Variants in PDGFC observed in about 807,000 individuals in gnomAD.
PDGFC encodes the protein platelet-derived growth factor C.
In PDGFC, 12 loss-of-function variants were observed where a neutral mutation model predicts 35.5. That is an observed-to-expected ratio of 0.34 (90% CI 0.22 to 0.55). The LOEUF is 0.55. Among genes scored for constraint, PDGFC ranks in the 20% least tolerant of loss-of-function variants. The pLI, the probability that PDGFC is intolerant of heterozygous loss-of-function variation, is 0.91. For synonymous variants in PDGFC, 159 were observed against 148.8 expected (o/e 1.07, Z -0.50); for missense variants, 322 against 412.4 (o/e 0.78, Z 1.90).
At chr4:156,914,300 G>A (rs577708715) in intron 1 of PDGFC, among the ~76,000 whole-genome samples, 35 of 152,152 alleles carry the variant, frequency 2.3e-4, no homozygotes, top group Middle Eastern at 3.4e-3. Context: ...TCCTTGTTCT[G>A]TGTTGCCTCC....
intron 1 of PDGFC, among the ~76,000 whole-genome samples, chr4:156,921,025 G>A (rs116414332): frequency 1.9e-3 from 294 of 152,308 alleles, no homozygotes; most frequent in African/African-American, 6.1e-3. Context: ...TGCTATGAAT[G>A]TGACTAGAAG....
At chr4:156,855,024 T>C (rs570057097) in intron 1 of PDGFC, among the ~76,000 whole-genome samples, 12 of 151,992 alleles carry the variant, frequency 7.9e-5, no homozygotes, top group East Asian at 7.7e-4. Context: ...CTAAAATGAA[T>C]AAAAAATTTA....
chr4:156,965,894 G>T (rs1579131254), intron 1 of PDGFC, among the ~76,000 whole-genome samples: 1 of 152,226 alleles, frequency 6.6e-6, no homozygotes, highest in East Asian at 1.9e-4. Flanking sequence ...AATCAGTACG[G>T]CAGGAACACT....
chr4:156,768,101 T>C, intron 4 of PDGFC, 111 bp from the exon 5 acceptor site: 1 of 710,172 alleles, frequency 1.4e-6, no homozygotes, highest in East Asian at 2.5e-5. Flanking sequence ...ATGAACAATA[T>C]CCATAACAAT....
chr4:156,961,290 C>T (rs1732337449), intron 1 of PDGFC, among the ~76,000 whole-genome samples: 1 of 152,016 alleles, frequency 6.6e-6, no homozygotes, highest in African/African-American at 2.4e-5. Flanking sequence ...AAATACGCAG[C>T]AAAATAACTG....
chr4:156,925,788 T>C (rs1731395952), intron 1 of PDGFC, among the ~76,000 whole-genome samples: 1 of 150,336 alleles, frequency 6.7e-6, no homozygotes, highest in Non-Finnish European at 1.5e-5. Flanking sequence ...TGAGGGCTCA[T>C]GCCTGTAACT....
chr4:156,875,830 C>G (rs1273721193), intron 1 of PDGFC, among the ~76,000 whole-genome samples: 1 of 152,064 alleles, frequency 6.6e-6, no homozygotes, highest in African/African-American at 2.4e-5. Context: ...CTGCAGTGAG[C>G]CTAGGTTGTA....
At chr4:156,860,497 A>C (rs931531078) in intron 1 of PDGFC, among the ~76,000 whole-genome samples, 3 of 152,132 alleles carry the variant, frequency 2.0e-5, no homozygotes, top group African/African-American at 7.2e-5. Context: ...TATCCCTCTA[A>C]AAGAAATGTA....
chr4:156,876,895 A>G (rs1300073377), intron 1 of PDGFC: 1 of 152,180 alleles, frequency 6.6e-6, no homozygotes, highest in Admixed American at 6.5e-5. Context: ...GTACAATTCT[A>G]AAGCACAATA....
chr4:156,816,592 C>T (rs1732093828), intron 2 of PDGFC, among the ~76,000 whole-genome samples: 1 of 152,104 alleles, frequency 6.6e-6, no homozygotes, highest in African/African-American at 2.4e-5. Context: ...AAAATTAACA[C>T]TTTTCCTCCA....
At position 156,856,819 on chromosome 4, in the gene PDGFC, A is replaced by T. The variant is rs116627398; in HGVS notation, c.119-6403T>A. On this transcript the variant is annotated intron_variant, in intron 1 of 5. Transcript: ENST00000502773. ...AGACCCTAATAAAGTCCCTTAGTTT[A>T]CATTTGATGTCTTACTCAAAGTTCA... is the stretch of plus-strand genomic sequence containing the variant. Among the ~76,000 whole-genome samples, 710 of 152,282 alleles carry T rather than the reference A, an allele frequency of 4.7e-3. 2 individuals carry two copies. The highest frequency in any genetic ancestry group is 0.016 in the African/African-American group (682 of 41,572).
intron 1 of PDGFC, among the ~76,000 whole-genome samples, chr4:156,968,696 G>C (rs1303067036): frequency 6.6e-6 from 1 of 152,060 alleles, no homozygotes; most frequent in Non-Finnish European, 1.5e-5. Context: ...GCTGGCCAGT[G>C]CCACTTCTCC....
intron 2 of PDGFC, among the ~76,000 whole-genome samples, chr4:156,836,673 A>G (rs1340908433): frequency 1.3e-5 from 2 of 152,214 alleles, no homozygotes; most frequent in African/African-American, 4.8e-5. Flanking sequence ...TTGGGAAGGA[A>G]GTCCTTACTT....
chr4:156,959,253 G>T (rs1229087843), intron 1 of PDGFC, among the ~76,000 whole-genome samples: 1 of 151,826 alleles, frequency 6.6e-6, no homozygotes, highest in Non-Finnish European at 1.5e-5. Flanking sequence ...CGCACTAAAC[G>T]AAAACAAACA....
At chr4:156,796,187 T>C (rs1467294017) in intron 3 of PDGFC, among the ~76,000 whole-genome samples, 3 of 152,198 alleles carry the variant, frequency 2.0e-5, no homozygotes, top group Non-Finnish European at 4.4e-5. Context: ...CCCAAGTTAA[T>C]ATTCTAAAGC....
At chr4:156,886,726 A>C (rs1730385584) in intron 1 of PDGFC, 1 of 152,198 alleles carries the variant, frequency 6.6e-6, no homozygotes, top group Non-Finnish European at 1.5e-5. Flanking sequence ...TGCACTTGCA[A>C]AGAAATGGTT....
At chr4:156,913,544 C>T (rs1404732280) in intron 1 of PDGFC, among the ~76,000 whole-genome samples, 1 of 152,182 alleles carries the variant, frequency 6.6e-6, no homozygotes, top group East Asian at 1.9e-4. Context: ...CTTGTGCATT[C>T]ACCTTTAGCT....
At chr4:156,775,607 T>C (rs1730808075) in intron 3 of PDGFC, among the ~76,000 whole-genome samples, 1 of 152,194 alleles carries the variant, frequency 6.6e-6, no homozygotes, top group Admixed American at 6.5e-5. Flanking sequence ...CTAACTGAAA[T>C]TAATATTGCT....
At chr4:156,947,879 T>C (rs1053018746) in intron 1 of PDGFC, among the ~76,000 whole-genome samples, 5 of 152,000 alleles carry the variant, frequency 3.3e-5, no homozygotes, top group African/African-American at 1.2e-4. Context: ...AGAAACTGCC[T>C]GACTTCAATA....
Sources: allele counts gnomAD v4.1 joint callset (sites outside exome capture counted in the v4.1 genomes callset), GRCh38; gene constraint gnomAD v4.1.1; transcripts MANE v1.5; gene names NCBI Gene and HGNC (gene_info 2026-07-23, HGNC 2026-07-21).